Variants in PLD3 observed in about 807,000 individuals in gnomAD.
PLD3 encodes the protein 5'-3' exonuclease PLD3.
PLD3 carries 31 observed loss-of-function variants against 58.4 expected under a neutral mutation model. The observed-to-expected ratio is 0.53, with a 90% confidence interval of 0.40 to 0.72. The LOEUF is 0.72. PLD3 is among the 30% of genes least tolerant of loss of function. The pLI is 0.00. For synonymous variants in PLD3, 264 were observed against 273.4 expected (o/e 0.97, Z 0.34); for missense variants, 595 against 659.8 (o/e 0.90, Z 1.08).
chr19:40,350,872 T>G (rs2078495851), intron 1 of PLD3, among the ~76,000 whole-genome samples: 1 of 151,924 alleles, frequency 6.6e-6, no homozygotes, highest in Non-Finnish European at 1.5e-5. Flanking sequence ...GGGGTCAAGG[T>G]TATAGTTTTA....
At chr19:40,372,364 G>GTGCA (rs2079086585) in intron 9 of PLD3, among the ~76,000 whole-genome samples, 1 of 152,042 alleles carries the variant, frequency 6.6e-6, no homozygotes, top group Non-Finnish European at 1.5e-5. Flanking sequence ...GGGTTGGGTT[G>GTGCA]TGCATGCATG....
intron 1 of PLD3, among the ~76,000 whole-genome samples, chr19:40,360,799 A>G (rs947337762): frequency 1.3e-5 from 2 of 151,892 alleles, no homozygotes; most frequent in African/African-American, 2.4e-5. Flanking sequence ...TGCCTGTTCT[A>G]TCTCTGAGGA....
intron 8 of PLD3, among the ~76,000 whole-genome samples, chr19:40,371,157 C>T (rs2079058067): frequency 6.6e-6 from 1 of 152,232 alleles, no homozygotes; most frequent in Non-Finnish European, 1.5e-5. Flanking sequence ...TAAGACAGGA[C>T]AATAACTCAT....
At chr19:40,366,157 G>T in intron 2 of PLD3, 1 of 447,534 alleles carries the variant, frequency 2.2e-6, no homozygotes, top group South Asian at 2.3e-5. Context: ...GGAGGGAGAA[G>T]GGGGCTGCTA....
intron 1 of PLD3, among the ~76,000 whole-genome samples, chr19:40,361,463 C>A (rs1319725013): frequency 6.6e-6 from 1 of 152,182 alleles, no homozygotes; most frequent in East Asian, 1.9e-4. Flanking sequence ...TCCTTCCCTG[C>A]TGGGAACCCA....
Position 40,370,406 on chromosome 19 carries a change from C to T in PLD3, c.678+169C>T, listed in dbSNP as rs371390278. 13 of 688,708 alleles carry T rather than the reference C, an allele frequency of 1.9e-5. No homozygotes were observed. In the African/African-American group the frequency reaches 2.4e-4, roughly 12 times the overall value. The allele number at this position is 688,708 out of a possible 1,614,324, so 42.7% of individuals were successfully genotyped here. On this transcript the variant is annotated intron_variant, in intron 8 of 12. Transcript: ENST00000409735. ...CCCTAATCCAAGCCATGCACGGTGG[C>T]TCACACCTATAATCTCAACACTTTG... is the stretch of plus-strand genomic sequence containing the variant.
At chr19:40,356,559 G>T in intron 1 of PLD3, 1 of 153,132 alleles carries the variant, frequency 6.5e-6, no homozygotes, top group Non-Finnish European at 1.5e-5. Flanking sequence ...GCTTTCTGGA[G>T]GAGGAGGCAC....
intron 1 of PLD3, among the ~76,000 whole-genome samples, chr19:40,364,546 C>G (rs1403117700): frequency 6.6e-6 from 1 of 151,732 alleles, no homozygotes; most frequent in Non-Finnish European, 1.5e-5. Flanking sequence ...AATCCCAGCA[C>G]TTTTGGGGGC....
chr19:40,368,874 G>A (rs2078994821), intron 6 of PLD3, among the ~76,000 whole-genome samples: 1 of 151,956 alleles, frequency 6.6e-6, no homozygotes, highest in Admixed American at 6.6e-5. Context: ...GCAGCGAGCC[G>A]TGATCATGCC....
chr19:40,377,209 G>A (rs1457636311), intron 11 of PLD3, among the ~76,000 whole-genome samples: 1 of 131,558 alleles, frequency 7.6e-6, no homozygotes, highest in East Asian at 2.5e-4. Context: ...AGGCAGAGGG[G>A]TGAGGGCTGG....
At chr19:40,376,805 CCT>C in intron 11 of PLD3, 31 bp downstream of exon 11, 8 of 1,589,114 alleles carry the variant, frequency 5.0e-6, no homozygotes, top group Non-Finnish European at 6.8e-6. Flanking sequence ...CCCCTTGGCC[CCT>C]GTGTGGGGCA....
chr19:40,370,944 G>A (rs1226669882), intron 8 of PLD3: 1 of 153,050 alleles, frequency 6.5e-6, no homozygotes, highest in Admixed American at 6.5e-5. Flanking sequence ...TGACAGCCCA[G>A]AGGGGTCAGG....
rs201784397 is a variant in PLD3, at chr19:40,366,689, G to C, written c.102+5G>C. 2.5e-6 allele frequency: 4 copies of C among 1,610,352 alleles called. No homozygotes were observed. The highest frequency in any genetic ancestry group is 3.4e-6 in the Non-Finnish European group (4 of 1,177,632). Reference sequence around the variant, plus strand: ...GCGTGGAAGGCTGCGGAAAAGGTAGGAGCCCTCCGCCACCCTCGCTCTGTC... The same window carrying C: ...GCGTGGAAGGCTGCGGAAAAGGTAGCAGCCCTCCGCCACCCTCGCTCTGTC... On this transcript the variant is annotated splice_donor_5th_base_variant and intron_variant, in intron 4 of 12. Coordinates refer to ENST00000409735, the MANE Select transcript of PLD3 (RefSeq NM_012268.4).
At chr19:40,354,984 GC>G (rs1451376556) in intron 1 of PLD3, among the ~76,000 whole-genome samples, 1 of 150,672 alleles carries the variant, frequency 6.6e-6, no homozygotes, top group East Asian at 2.0e-4. Flanking sequence ...GACTATAGAT[GC>G]ACACCACCAC....
intron 11 of PLD3, 49 bp from the exon 12 acceptor site, chr19:40,377,737 C>G (rs371840743): frequency 7.1e-7 from 1 of 1,399,482 alleles, no homozygotes; most frequent in South Asian, 1.2e-5. Context: ...GGGGCTCCTC[C>G]GACTCCCCCT....
intron 9 of PLD3, among the ~76,000 whole-genome samples, chr19:40,374,076 C>T (rs748665984): frequency 2.0e-5 from 3 of 151,988 alleles, no homozygotes; most frequent in Non-Finnish European, 4.4e-5. Context: ...TTGTTAAAAC[C>T]CAGATTCCTG....
At chr19:40,367,670 G>T in intron 5 of PLD3, 26 bp from the exon 6 acceptor site, 1 of 1,588,662 alleles carries the variant, frequency 6.3e-7, no homozygotes, top group South Asian at 1.1e-5. Flanking sequence ...GGCACCGTAT[G>T]GCTGATAGCA....
At chr19:40,363,063 C>A (rs1185757894) in intron 1 of PLD3, among the ~76,000 whole-genome samples, 3 of 151,922 alleles carry the variant, frequency 2.0e-5, no homozygotes. Context: ...CGGTGCCAGG[C>A]CTTTCTCCTT....
chr19:40,350,614 C>T (rs76895241), intron 1 of PLD3, among the ~76,000 whole-genome samples: 16,973 of 151,590 alleles, frequency 0.11, 1,376 homozygotes, highest in African/African-American at 0.23. Context: ...CATGGTGGCG[C>T]GCCCCTAAAA....
Sources: allele counts gnomAD v4.1 joint callset (sites outside exome capture counted in the v4.1 genomes callset), GRCh38; gene constraint gnomAD v4.1.1; transcripts MANE v1.5; gene names NCBI Gene and HGNC (gene_info 2026-07-23, HGNC 2026-07-21).